The following BABAM2 variants were observed in gnomAD, a reference collection of about 807,000 sequenced individuals.
BABAM2 encodes the protein BRISC and BRCA1-A complex member 2.
A neutral mutation model predicts 54.7 loss-of-function variants in BABAM2; 31 were observed. The observed-to-expected ratio is 0.57, with a 90% CI of 0.43 to 0.77. The LOEUF is 0.77. Ranked by LOEUF, BABAM2 falls within the 30% of genes least tolerant of loss-of-function variation. The pLI, the probability that BABAM2 is intolerant of heterozygous loss-of-function variation, is 0.00. For missense variants in BABAM2, 364 were observed against 455.8 expected (o/e 0.80, Z 1.83); for synonymous variants, 167 against 162.9 (o/e 1.03, Z -0.19).
chr2:28,108,941 G>A (rs1455429358), intron 6 of BABAM2, among the ~76,000 whole-genome samples: 1 of 152,020 alleles, frequency 6.6e-6, no homozygotes, highest in African/African-American at 2.4e-5. Flanking sequence ...TCTCAGTTCT[G>A]GAAGTTATCT....
At chr2:28,269,861 T>TG (rs1328498835) in intron 10 of BABAM2, among the ~76,000 whole-genome samples, 1 of 151,984 alleles carries the variant, frequency 6.6e-6, no homozygotes, top group Non-Finnish European at 1.5e-5. Flanking sequence ...TTTTTTTTTT[T>TG]TTACATTGAC....
intron 3 of BABAM2, among the ~76,000 whole-genome samples, chr2:27,943,420 C>T (rs568402873): frequency 5.9e-5 from 9 of 152,344 alleles, no homozygotes; most frequent in Non-Finnish European, 1.3e-4. Context: ...AAATACCCTG[C>T]CTTCCTTTCC....
intron 5 of BABAM2, among the ~76,000 whole-genome samples, chr2:28,035,622 T>G (rs1676607545): frequency 6.6e-6 from 1 of 152,190 alleles, no homozygotes; most frequent in South Asian, 2.1e-4. Context: ...GAGTTGGACA[T>G]TATGTAAAAT....
chr2:28,314,125 GC>G (rs1017554169), intron 11 of BABAM2, among the ~76,000 whole-genome samples: 9 of 152,148 alleles, frequency 5.9e-5, no homozygotes, highest in African/African-American at 1.7e-4. Context: ...GTCACCCAGT[GC>G]CTCCTAATCA....
At chr2:28,247,337 C>T (rs1187052609) in intron 10 of BABAM2, among the ~76,000 whole-genome samples, 1 of 152,156 alleles carries the variant, frequency 6.6e-6, no homozygotes, top group Non-Finnish European at 1.5e-5. Context: ...TCACCCATTT[C>T]CTTTTTTCTT....
intron 7 of BABAM2, among the ~76,000 whole-genome samples, chr2:28,211,414 TTTCGCTC>T (rs1352703730): frequency 6.9e-5 from 5 of 72,074 alleles, no homozygotes; most frequent in Non-Finnish European, 1.2e-4. Flanking sequence ...TGAGAAAGAG[TTTCGCTC>T]TTGTTGCCCA....
At chr2:28,041,554 C>T (rs1677101017) in intron 5 of BABAM2, among the ~76,000 whole-genome samples, 2 of 152,088 alleles carry the variant, frequency 1.3e-5, no homozygotes, top group Admixed American at 1.3e-4. Context: ...TTGCTCATAC[C>T]ATGGAGGAGA....
Position 28,211,386 on chromosome 2 carries a change from C to CTTTTTTTTTTTT in BABAM2, c.681-25809_681-25798dup, listed in dbSNP as rs770284745. 2.8e-4 allele frequency among the ~76,000 whole-genome samples: 27 copies of CTTTTTTTTTTTT among 96,886 alleles called. 1 individual carries two copies. The highest frequency in any genetic ancestry group is 3.9e-4 in the African/African-American group (11 of 28,076). 63.6% of individuals were successfully genotyped at this position (96,886 alleles called of 152,430 possible). On this transcript the variant is annotated intron_variant, in intron 7 of 11. Transcript: ENST00000379624. ...CCATGTATAGTTCCTTCCTTATTAT[C>CTTTTTTTTTTTT]TTTTTTTTTTTTTTTTTTGAGAAAG...
At chr2:28,178,507 T>C (rs934569501) in intron 7 of BABAM2, among the ~76,000 whole-genome samples, 2 of 152,020 alleles carry the variant, frequency 1.3e-5, no homozygotes, top group Non-Finnish European at 2.9e-5. Context: ...AAAGCAGTGC[T>C]AAGAGGAAAG....
rs1174037780 is a variant in BABAM2, at chr2:28,304,355, C to T, written c.1088+5864C>T. On this transcript the variant is annotated intron_variant, in intron 11 of 11. Coordinates refer to ENST00000379624, the MANE Select transcript of BABAM2 (RefSeq NM_199191.3). The surrounding 1 kb of genome is among the most constrained non-coding windows in gnomAD (Gnocchi z 4.0). ...ACAGGCATGAGCCACTGCATTCCAC[C>T]TGTTTTTGCTTTTATTGTAAATTAT... is the stretch of plus-strand genomic sequence containing the variant. Among the ~76,000 whole-genome samples, 4 of 150,844 alleles carry T rather than the reference C, an allele frequency of 2.7e-5. No homozygotes were observed. Among genetic ancestry groups the T allele is most frequent in the Non-Finnish European group, 5.9e-5 (4 of 67,730 alleles).
At chr2:28,249,396 T>C (rs1013813286) in intron 10 of BABAM2, among the ~76,000 whole-genome samples, 2 of 152,000 alleles carry the variant, frequency 1.3e-5, no homozygotes, top group African/African-American at 4.8e-5. Context: ...GCCCTAAGGG[T>C]AGCTTTTATA....
At chr2:28,070,288 A>T (rs139376939) in intron 6 of BABAM2, among the ~76,000 whole-genome samples, 146 of 152,316 alleles carry the variant, frequency 9.6e-4, no homozygotes, top group African/African-American at 3.3e-3. Context: ...TCAGGGTGCT[A>T]TGAAAACTAT....
chr2:28,035,966 A>G (rs1676629823), intron 5 of BABAM2, among the ~76,000 whole-genome samples: 1 of 152,204 alleles, frequency 6.6e-6, no homozygotes, highest in Non-Finnish European at 1.5e-5. Flanking sequence ...ATTTTCAGGA[A>G]GCATACGAAA....
intron 6 of BABAM2, among the ~76,000 whole-genome samples, chr2:28,096,861 G>A (rs972173207): frequency 6.6e-6 from 1 of 151,942 alleles, no homozygotes; most frequent in Admixed American, 6.6e-5. Context: ...CCCCAGAGTA[G>A]AATTATTGGG....
At chr2:28,321,188 G>A (rs747168862) in intron 11 of BABAM2, among the ~76,000 whole-genome samples, 4 of 152,006 alleles carry the variant, frequency 2.6e-5, no homozygotes, top group Non-Finnish European at 4.4e-5. Context: ...ACCAAGGCTT[G>A]AGTTCTTACC....
intron 2 of BABAM2, chr2:27,896,202 A>G (rs1353653788): frequency 6.5e-6 from 1 of 152,730 alleles, no homozygotes; most frequent in Non-Finnish European, 1.5e-5. Flanking sequence ...ATGGACAAAG[A>G]TGCAGCCAGG....
At chr2:28,083,171 T>G (rs1665332581) in intron 6 of BABAM2, among the ~76,000 whole-genome samples, 1 of 152,194 alleles carries the variant, frequency 6.6e-6, no homozygotes, top group African/African-American at 2.4e-5. Context: ...ATATCAGTAC[T>G]CTCTTTCTCT....
intron 6 of BABAM2, among the ~76,000 whole-genome samples, chr2:28,093,047 T>G (rs1666295072): frequency 6.6e-6 from 1 of 152,164 alleles, no homozygotes; most frequent in South Asian, 2.1e-4. Flanking sequence ...AAAATGTACT[T>G]TTCCCCTATT....
At chr2:28,255,158 T>G (rs1346958831) in intron 10 of BABAM2, among the ~76,000 whole-genome samples, 4 of 152,218 alleles carry the variant, frequency 2.6e-5, no homozygotes, top group Non-Finnish European at 4.4e-5. Flanking sequence ...GGGTTTTTTT[T>G]AGCACTTGCT....
Sources: gnomAD v4.1 joint callset for allele counts (sites outside exome capture counted in the v4.1 genomes callset) on GRCh38, gnomAD v4.1.1 for gene constraint, Gnocchi (gnomAD v3.1) non-coding constraint, MANE v1.5 for transcripts, NCBI Gene and HGNC (gene_info 2026-07-23, HGNC 2026-07-21) for gene names.